The following DAB1 variants were observed in gnomAD, a reference collection of about 807,000 sequenced individuals.
The protein encoded by DAB1 is DAB adaptor protein 1.
In DAB1, 15 loss-of-function variants were observed where a neutral mutation model predicts 64.6. The ratio of observed to expected loss-of-function variants is 0.23; its 90% CI spans 0.16 to 0.36. The LOEUF (loss-of-function observed/expected upper bound fraction) is 0.36. DAB1 is among the 10% of genes least tolerant of loss of function. The probability of loss-of-function intolerance (pLI) is 1.00; values close to 1 mark genes in which losing one functional copy is unlikely to be tolerated. For synonymous variants in DAB1, 235 were observed against 251.9 expected, an observed-to-expected ratio of 0.93 and a Z score of 0.64; for missense variants, 596 against 706.7, an observed-to-expected ratio of 0.84 and a Z score of 1.78.
intron 7 of DAB1, among the ~76,000 whole-genome samples, chr1:57,477,337 T>G (rs763180828): frequency 2.0e-5 from 3 of 152,194 alleles, no homozygotes; most frequent in Non-Finnish European, 1.5e-5. Flanking sequence ...CTGTTTATAG[T>G]GTACTCTGAT....
At chr1:57,884,885 C>G (rs1007798551), upstream of DAB1, among the ~76,000 whole-genome samples, 6 of 152,154 alleles carry the variant, frequency 3.9e-5, no homozygotes, top group African/African-American at 1.2e-4. Flanking sequence ...GCACCTCCCT[C>G]CCCTCTACCT....
intron 4 of DAB1, among the ~76,000 whole-genome samples, chr1:57,108,607 C>A (rs536594587): frequency 2.6e-5 from 4 of 152,258 alleles, no homozygotes; most frequent in Admixed American, 6.5e-5. Flanking sequence ...CTTAAGACAA[C>A]CTTCTCAATG....
chr1:58,309,588 C>G (rs914502142), intron 4 of DAB1, among the ~76,000 whole-genome samples: 1 of 152,176 alleles, frequency 6.6e-6, no homozygotes, highest in Admixed American at 6.5e-5. Flanking sequence ...ATATTCAAAT[C>G]CAGGTCTGCC....
rs573555947 is a variant in DAB1, at chr1:57,798,359, C to T, written n.551+85640G>A. Among the ~76,000 whole-genome samples, 328 of 152,298 alleles carry T rather than the reference C, an allele frequency of 2.2e-3. 2 individuals are homozygous for T. The highest frequency in any genetic ancestry group is 7.6e-3 in the African/African-American group (316 of 41,554). ...GTTCTGGTCTATGGACAACTTTACA[C>T]TGTATTGGCTGCCTGCTTTGACAGG... On this transcript the variant is annotated intron_variant and non_coding_transcript_variant, in intron 6 of 20. Coordinates refer to the DAB1 transcript ENST00000485760.
intron 7 of DAB1, among the ~76,000 whole-genome samples, chr1:57,495,862 C>T (rs967559836): frequency 2.6e-5 from 4 of 152,166 alleles, no homozygotes; most frequent in Non-Finnish European, 4.4e-5. Flanking sequence ...GCTCTGCTTA[C>T]CCCAACTGTC....
chr1:58,048,814 T>C (rs922727029), intron 5 of DAB1: 1 of 1,076,772 alleles, frequency 9.3e-7, no homozygotes, highest in African/African-American at 1.5e-5. Flanking sequence ...GACAGTCTTA[T>C]CCACGGAATC....
At chr1:58,374,791 C>A (rs12740304) in intron 3 of DAB1, among the ~76,000 whole-genome samples, 10,054 of 111,852 alleles carry the variant, frequency 0.09, 514 homozygotes, top group Middle Eastern at 0.17. Flanking sequence ...TTTTCACGAT[C>A]TTGATTCTTC....
intron 6 of DAB1, among the ~76,000 whole-genome samples, chr1:57,807,392 A>G (rs11809972): frequency 0.067 from 10,171 of 152,272 alleles, 1,190 homozygotes; most frequent in African/African-American, 0.23. Context: ...GTGACTATGC[A>G]GCCTAGGCCA....
At chr1:57,550,212 C>T (rs1055836549) in intron 7 of DAB1, among the ~76,000 whole-genome samples, 11 of 152,148 alleles carry the variant, frequency 7.2e-5, no homozygotes, top group African/African-American at 2.7e-4. Flanking sequence ...ATAGAACAAG[C>T]ATGGTACTGA....
chr1:57,243,663 A>G (rs918052529), intron 2 of DAB1, among the ~76,000 whole-genome samples: 5 of 152,206 alleles, frequency 3.3e-5, no homozygotes, highest in African/African-American at 1.2e-4. Context: ...GTTTCAATGC[A>G]CTGGAAGTTT....
intron 4 of DAB1, among the ~76,000 whole-genome samples, chr1:58,222,478 C>T (rs1054109164): frequency 1.3e-5 from 2 of 152,166 alleles, no homozygotes; most frequent in African/African-American, 2.4e-5. Flanking sequence ...TTATTTAGAC[C>T]TGTAAGTTAT....
upstream of DAB1, among the ~76,000 whole-genome samples, chr1:57,886,883 T>C (rs1644231416): frequency 6.6e-6 from 1 of 152,224 alleles, no homozygotes; most frequent in African/African-American, 2.4e-5. Flanking sequence ...CAAAGTGTCA[T>C]TGTGAGGCTT....
intron 5 of DAB1, among the ~76,000 whole-genome samples, chr1:58,091,968 AAACT>A (rs970902577): frequency 2.2e-4 from 34 of 151,354 alleles, no homozygotes; most frequent in Non-Finnish European, 3.8e-4. Flanking sequence ...ACACACACAC[AAACT>A]AACATAGCTT....
chr1:58,462,109 GTTTCTT>G (rs551120130), intron 3 of DAB1, among the ~76,000 whole-genome samples: 33,937 of 131,310 alleles, frequency 0.26, 4,520 homozygotes, highest in African/African-American at 0.38. Flanking sequence ...ATCTGAGAAG[GTTTCTT>G]TTTTTTTTTT....
At chr1:58,529,811 G>A (rs1646405684) in intron 1 of DAB1, among the ~76,000 whole-genome samples, 1 of 152,112 alleles carries the variant, frequency 6.6e-6, no homozygotes, top group South Asian at 2.1e-4. Context: ...TGAATTACAA[G>A]TAATCTAGAG....
At chr1:57,726,871 G>A (rs1647218851) in intron 6 of DAB1, among the ~76,000 whole-genome samples, 1 of 152,164 alleles carries the variant, frequency 6.6e-6, no homozygotes, top group African/African-American at 2.4e-5. Flanking sequence ...ATTTCTGTTT[G>A]AGAATGATCA....
intron 5 of DAB1, among the ~76,000 whole-genome samples, chr1:58,126,376 C>A (rs1032831040): frequency 6.6e-6 from 1 of 152,136 alleles, no homozygotes; most frequent in African/African-American, 2.4e-5. Context: ...AACCCATGAG[C>A]CTTCCAGAGC....
chr1:58,533,410 G>A lies in DAB1; in HGVS notation n.33-6075C>T, dbSNP rs146154609. 2.3e-4 allele frequency among the ~76,000 whole-genome samples: 35 copies of A among 152,176 alleles called. No individual in the cohort carries two copies. In the East Asian group the frequency reaches 6.6e-3, roughly 29 times the overall value. ...AGTAATAATAAATACATACCTCATTGGGTATTAAAATTATGAATGGGAAGC... is the reference window on the plus strand; with the variant it reads ...AGTAATAATAAATACATACCTCATTAGGTATTAAAATTATGAATGGGAAGC... On this transcript the variant is annotated intron_variant and non_coding_transcript_variant, in intron 1 of 20. Coordinates refer to the DAB1 transcript ENST00000485760.
intron 4 of DAB1, among the ~76,000 whole-genome samples, chr1:58,189,031 T>C (rs534203993): frequency 1.5e-4 from 23 of 152,206 alleles, no homozygotes; most frequent in Non-Finnish European, 3.2e-4. Context: ...TTTTTTTACA[T>C]GTCCATAGAG....
Sources: gnomAD v4.1 joint callset for allele counts (sites outside exome capture counted in the v4.1 genomes callset) on GRCh38, gnomAD v4.1.1 for gene constraint, MANE v1.5 for transcripts, NCBI Gene and HGNC (gene_info 2026-07-23, HGNC 2026-07-21) for gene names.